The following PCDH15 variants were observed in gnomAD, a reference collection of about 807,000 sequenced individuals.
PCDH15 encodes protocadherin related 15.
A neutral mutation model predicts 178.5 loss-of-function variants in PCDH15; 129 were observed. The observed-to-expected ratio is 0.72, with a 90% CI of 0.63 to 0.84. PCDH15 has a LOEUF of 0.84. Ranked by LOEUF, PCDH15 falls within the 40% of genes least tolerant of loss-of-function variation. The pLI is 0.00. For synonymous variants in PCDH15, 800 were observed against 732.0 expected (o/e 1.09, Z -1.50); for missense variants, 2,230 against 2,099.9 (o/e 1.06, Z -1.21).
At chr10:54,464,305 G>T in intron 3 of PCDH15, among the ~76,000 whole-genome samples, 1 of 152,072 alleles carries the variant, frequency 6.6e-6, no homozygotes, top group East Asian at 1.9e-4. Context: ...TTTTAATATT[G>T]AAGAGTATAG....
chr10:55,531,390 T>A (rs1841451568), intron 2 of PCDH15, among the ~76,000 whole-genome samples: 1 of 152,016 alleles, frequency 6.6e-6, no homozygotes, highest in Non-Finnish European at 1.5e-5. Flanking sequence ...AAATAGGTAA[T>A]CTTTTACATA....
At position 55,089,234 on chromosome 10, in the gene PCDH15, T is replaced by C. The variant is rs1842255291; in HGVS notation, c.-80+77342A>G. 2.0e-5 allele frequency among the ~76,000 whole-genome samples: 3 copies of C among 152,110 alleles called. No individual in the cohort carries two copies. In the South Asian group the frequency reaches 6.2e-4, roughly 32 times the overall value. On this transcript the variant is annotated intron_variant, in intron 2 of 5. Transcript: ENST00000458638. ...AGCATGTTATTTCACAATACAATCA[T>C]CGAATCACAACTTGGACCTAGTTTA...
chr10:54,457,688 T>C (rs1215763890), intron 3 of PCDH15, among the ~76,000 whole-genome samples: 1 of 151,052 alleles, frequency 6.6e-6, no homozygotes, highest in African/African-American at 2.5e-5. Context: ...TGCTAAACAA[T>C]ATTTTTTAAA....
chr10:54,957,639 A>G (rs2131880709), intron 2 of PCDH15, among the ~76,000 whole-genome samples: 1 of 151,602 alleles, frequency 6.6e-6, no homozygotes, highest in Non-Finnish European at 1.5e-5. Context: ...CTGGGGTGGT[A>G]GATCTCTCCA....
chr10:55,076,223 G>A (rs1296189188), intron 2 of PCDH15, among the ~76,000 whole-genome samples: 2 of 152,116 alleles, frequency 1.3e-5, no homozygotes, highest in African/African-American at 4.8e-5. Context: ...TGGATAACAT[G>A]CTCTGTAAAT....
At chr10:54,995,475 G>A (rs1334050725) in intron 2 of PCDH15, among the ~76,000 whole-genome samples, 1 of 150,510 alleles carries the variant, frequency 6.6e-6, no homozygotes, top group African/African-American at 2.4e-5. Flanking sequence ...ATTTTGGTCT[G>A]GTATATTGTA....
intron 3 of PCDH15, among the ~76,000 whole-genome samples, chr10:54,525,484 C>T (rs532686539): frequency 1.3e-5 from 2 of 152,304 alleles, no homozygotes; most frequent in African/African-American, 4.8e-5. Flanking sequence ...CAGGATCTCA[C>T]TCTGCCACCC....
At chr10:54,369,368 ATTC>A in intron 4 of PCDH15, 93 bp from the exon 5 acceptor site, 1 of 1,104,764 alleles carries the variant, frequency 9.1e-7, no homozygotes. Flanking sequence ...ACATTTTTCT[ATTC>A]TTGTTTATTT....
In PCDH15 at chr10:53,802,771, T is replaced by C. The variant is rs546738794; in HGVS notation, c.*3808A>G. The C allele has an allele frequency of 5.9e-5, 9 of 152,042 alleles. No homozygotes were observed. In the South Asian group the frequency reaches 1.9e-3, roughly 32 times the overall value. 9.4% of individuals were successfully genotyped at this position (152,042 alleles called of 1,614,324 possible). A position where few individuals can be genotyped will look rare whatever the true frequency, so the allele number is the denominator to read the frequency against. ...CCTGACAGAGTAATGAGAAATCATC[T>C]TTTCAAATGAAAATTTATTTTTGAA... On this transcript the variant is annotated 3_prime_UTR_variant, in exon 38 of 38. Coordinates refer to ENST00000644397, the MANE Select transcript of PCDH15 (RefSeq NM_001384140.1).
At chr10:54,207,779 A>T (rs1591175113) in intron 10 of PCDH15, among the ~76,000 whole-genome samples, 1 of 152,180 alleles carries the variant, frequency 6.6e-6, no homozygotes. Flanking sequence ...TAAATTTCAT[A>T]TTATACCTCT....
At chr10:54,559,427 T>C (rs1010262215) in intron 2 of PCDH15, among the ~76,000 whole-genome samples, 7 of 152,024 alleles carry the variant, frequency 4.6e-5, no homozygotes, top group African/African-American at 1.7e-4. Flanking sequence ...ATTTACAAGG[T>C]ATTCCACAAT....
intron 2 of PCDH15, among the ~76,000 whole-genome samples, chr10:54,992,058 T>C (rs1465885255): frequency 1.3e-5 from 2 of 152,108 alleles, no homozygotes; most frequent in African/African-American, 4.8e-5. Context: ...CAAATGTTTC[T>C]ATGATGATAA....
chr10:54,664,054 A>C, intron 2 of PCDH15, 118 bp downstream of exon 2: 1 of 795,460 alleles, frequency 1.3e-6, no homozygotes, highest in Non-Finnish European at 2.1e-6. Flanking sequence ...TATTACACAG[A>C]GATACTAACC....
At chr10:54,651,031 A>G (rs2094247962) in intron 2 of PCDH15, among the ~76,000 whole-genome samples, 1 of 152,128 alleles carries the variant, frequency 6.6e-6, no homozygotes, top group African/African-American at 2.4e-5. Flanking sequence ...GAACCCTACA[A>G]GCAATCAATC....
chr10:55,597,500 G>A (rs1842960715), intron 2 of PCDH15, among the ~76,000 whole-genome samples: 1 of 151,794 alleles, frequency 6.6e-6, no homozygotes, highest in Non-Finnish European at 1.5e-5. Flanking sequence ...CTCGATTAAC[G>A]TAATTTTCTA....
chr10:55,094,812 C>G (rs956694995), intron 2 of PCDH15, among the ~76,000 whole-genome samples: 3 of 151,886 alleles, frequency 2.0e-5, no homozygotes, highest in Non-Finnish European at 2.9e-5. Context: ...TAAAGCAACC[C>G]AGTAATTGGG....
At chr10:54,784,524 GAAGAAGTA>G (rs1950662672) in intron 1 of PCDH15, among the ~76,000 whole-genome samples, 1 of 151,982 alleles carries the variant, frequency 6.6e-6, no homozygotes, top group African/African-American at 2.4e-5. Context: ...TAGCCATGAA[GAAGAAGTA>G]AAGTCTTTCC....
chr10:54,868,862 C>A (rs748612583), intron 3 of PCDH15, among the ~76,000 whole-genome samples: 34 of 151,966 alleles, frequency 2.2e-4, no homozygotes, highest in Middle Eastern at 3.4e-3. Context: ...TCTTGGTGGA[C>A]ATATAAGATA....
chr10:54,872,715 G>A (rs1247095480), intron 3 of PCDH15, among the ~76,000 whole-genome samples: 1 of 152,074 alleles, frequency 6.6e-6, no homozygotes, highest in Non-Finnish European at 1.5e-5. Flanking sequence ...CTTAGATTAT[G>A]AGATTTTTGT....
Sources: allele counts gnomAD v4.1 joint callset (sites outside exome capture counted in the v4.1 genomes callset), GRCh38; gene constraint gnomAD v4.1.1; transcripts MANE v1.5; gene names NCBI Gene and HGNC (gene_info 2026-07-23, HGNC 2026-07-21).